The following DNAH11 variants were observed in gnomAD, a reference collection of about 807,000 sequenced individuals.
The protein encoded by DNAH11 is axonemal beta dynein heavy chain 11.
Under a neutral mutation model 526.0 loss-of-function variants are expected in DNAH11, and 442 were observed. The observed-to-expected ratio is 0.84, with a 90% CI of 0.78 to 0.91. The LOEUF is 0.91. Among genes scored for constraint, DNAH11 ranks in the 40% least tolerant of loss-of-function variants. The pLI is 0.00. For missense variants in DNAH11, 6,989 were observed against 5,448.7 expected, an observed-to-expected ratio of 1.28 and a Z score of -8.90; for synonymous variants, 2,461 against 1,935.9, an observed-to-expected ratio of 1.27 and a Z score of -7.12.
rs75953572 is a variant in DNAH11 at position 21,736,555 on chromosome 7, A to G, written c.7645+711A>G. 2.4e-3 allele frequency among the ~76,000 whole-genome samples: 365 copies of G among 152,324 alleles called. 2 individuals carry two copies. Among genetic ancestry groups the G allele is most frequent in the African/African-American group, 7.1e-3 (294 of 41,568 alleles). ...CTGGGGTATCTGTTTACATGTGGAT[A>G]TATGTTGTTTCCTTAGCTATATCAG... On this transcript the variant is annotated intron_variant, in intron 46 of 81. Coordinates refer to ENST00000409508, the MANE Select transcript of DNAH11 (RefSeq NM_001277115.2).
At chr7:21,672,105 GCTGAAGGTGAAA>G (rs1482445974) in intron 30 of DNAH11, among the ~76,000 whole-genome samples, 1 of 152,142 alleles carries the variant, frequency 6.6e-6, no homozygotes, top group Non-Finnish European at 1.5e-5. Context: ...TTCTGATATT[GCTGAAGGTGAAA>G]CTGGTGGGTT....
intron 37 of DNAH11, among the ~76,000 whole-genome samples, chr7:21,703,175 G>T (rs1406935272): frequency 6.6e-6 from 1 of 152,188 alleles, no homozygotes; most frequent in Admixed American, 6.5e-5. Flanking sequence ...GGGAGAAAGA[G>T]CATCCATTTC....
At chr7:21,585,499 G>C (rs1784452357) in intron 9 of DNAH11, among the ~76,000 whole-genome samples, 1 of 152,180 alleles carries the variant, frequency 6.6e-6, no homozygotes, top group African/African-American at 2.4e-5. Flanking sequence ...ACATGGCCAG[G>C]AAGGGCACCG....
intron 30 of DNAH11, among the ~76,000 whole-genome samples, chr7:21,671,253 A>G (rs1206277766): frequency 6.6e-6 from 1 of 152,222 alleles, no homozygotes; most frequent in Non-Finnish European, 1.5e-5. Context: ...GTAATTCAGC[A>G]TGTGGCAAAT....
At position 21,591,355 on chromosome 7, in the gene DNAH11, G is replaced by C. The variant is rs1184029546; in HGVS notation, c.2445G>C (p.Arg815Ser). ...ATGACTGCTGGGGCTACATCGAGAG[G>C]GTGAGGGCAGCCACGTCCGAGTTGG... ...WQDDCWGYIERVRAATSELEH... is the reference protein window; with the variant it reads ...WQDDCWGYIESVRAATSELEH... Residue 815 changes from arginine (R) to serine (S), a missense_variant, in exon 14 of 82, where the codon AGG becomes AGC. Transcript: ENST00000409508. 6.2e-7 allele frequency: 1 copy of C among 1,613,646 alleles called. No homozygotes were observed. The highest frequency in any genetic ancestry group is 8.5e-7 in the Non-Finnish European group (1 of 1,179,718).
intron 46 of DNAH11, among the ~76,000 whole-genome samples, chr7:21,737,343 A>G (rs898262144): frequency 1.3e-5 from 2 of 152,222 alleles, no homozygotes; most frequent in Non-Finnish European, 2.9e-5. Flanking sequence ...CAAAAGACCA[A>G]AGTGTTTTCT....
chr7:21,644,279 T>C (rs1787251499), intron 28 of DNAH11, among the ~76,000 whole-genome samples: 2 of 151,008 alleles, frequency 1.3e-5, no homozygotes, highest in Admixed American at 1.4e-4. Context: ...TGTGTTTTTA[T>C]GCAGAGCTTC....
chr7:21,884,195 G>C, intron 75 of DNAH11, 96 bp from the exon 76 acceptor site: 1 of 1,112,360 alleles, frequency 9.0e-7, no homozygotes. Context: ...ACGGAGGCTT[G>C]GAGGGCATTG....
chr7:21,779,261 A>G (rs1338160625), intron 57 of DNAH11, among the ~76,000 whole-genome samples, 157 bp downstream of exon 57: 1 of 152,182 alleles, frequency 6.6e-6, no homozygotes, highest in Non-Finnish European at 1.5e-5. Flanking sequence ...CGTGATTACC[A>G]CTTGACCTTT....
At chr7:21,682,757 G>C (rs190684500) in intron 31 of DNAH11, among the ~76,000 whole-genome samples, 1 of 151,794 alleles carries the variant, frequency 6.6e-6, no homozygotes, top group Non-Finnish European at 1.5e-5. Flanking sequence ...TTTTTTCTGG[G>C]TTTTTTTCTC....
In DNAH11 at chr7:21,558,845, G is replaced by A; in HGVS notation, c.539G>A (p.Trp180Ter). 6.2e-7 allele frequency: 1 copy of A among 1,607,912 alleles called. No individual in the cohort carries two copies. Residue 180 changes from tryptophan (W) to a stop codon, truncating the protein, a stop_gained, in exon 3 of 82, where the codon TGG (tryptophan) becomes TAG (stop). Coordinates refer to ENST00000409508, the MANE Select transcript of DNAH11 (RefSeq NM_001277115.2). LOFTEE classifies it high-confidence loss of function. ...TCTAATAAGAACAACCATAAGTCCT[G>A]GTCCTGTTTTACTTCACAAGATATG... The part of the protein sequence containing the change: ...VLSNKNNHKS[W>*]SCFTSQDMEY...
At chr7:21,571,438 C>G (rs1465273517) in intron 7 of DNAH11, among the ~76,000 whole-genome samples, 1 of 151,994 alleles carries the variant, frequency 6.6e-6, no homozygotes, top group Non-Finnish European at 1.5e-5. Context: ...CGCCACCATG[C>G]CTAGTTAACT....
chr7:21,846,079 T>A (rs1369696827), intron 66 of DNAH11, among the ~76,000 whole-genome samples: 3 of 152,226 alleles, frequency 2.0e-5, no homozygotes, highest in African/African-American at 7.2e-5. Context: ...TATATTAATC[T>A]GTATCCTGCA....
chr7:21,691,487 A>C (rs1583598448), intron 35 of DNAH11, among the ~76,000 whole-genome samples: 1 of 152,104 alleles, frequency 6.6e-6, no homozygotes, highest in East Asian at 1.9e-4. Context: ...GGCCTAGCCC[A>C]CTCTAGCCGC....
chr7:21,571,721 C>A, intron 7 of DNAH11, 85 bp from the exon 8 acceptor site: 1 of 1,032,212 alleles, frequency 9.7e-7, no homozygotes, highest in Non-Finnish European at 1.3e-6. Context: ...TGATTTTGAA[C>A]ATTTGAAAAT....
At chr7:21,737,809 G>A (rs569388526) in intron 46 of DNAH11, among the ~76,000 whole-genome samples, 2 of 152,300 alleles carry the variant, frequency 1.3e-5, no homozygotes, top group South Asian at 4.1e-4. Context: ...GAGAGATGAT[G>A]TTAAGCTGAG....
At chr7:21,660,643 G>C (rs115758545) in intron 30 of DNAH11, among the ~76,000 whole-genome samples, 2,161 of 148,432 alleles carry the variant, frequency 0.015, 46 homozygotes, top group African/African-American at 0.05. Flanking sequence ...TAACATTTTG[G>C]CATGCAAACA....
chr7:21,798,324 G>A (rs891613242), intron 61 of DNAH11, among the ~76,000 whole-genome samples: 9 of 152,312 alleles, frequency 5.9e-5, no homozygotes, highest in Admixed American at 2.6e-4. Context: ...TTGAAGTCCT[G>A]ACCTCAGGTG....
chr7:21,735,267 G>C (rs1373631148), intron 45 of DNAH11, among the ~76,000 whole-genome samples: 1 of 152,206 alleles, frequency 6.6e-6, no homozygotes, highest in African/African-American at 2.4e-5. Flanking sequence ...AAATGTTGTA[G>C]ATAGTTTCTT....
Sources: allele counts gnomAD v4.1 joint callset (sites outside exome capture counted in the v4.1 genomes callset), GRCh38; gene constraint gnomAD v4.1.1; transcripts MANE v1.5; gene names NCBI Gene and HGNC (gene_info 2026-07-23, HGNC 2026-07-21).